The following GRAMD2B variants were observed in gnomAD, a reference collection of about 807,000 sequenced individuals.
The protein encoded by GRAMD2B is GRAM domain containing 2B.
A neutral mutation model predicts 59.2 loss-of-function variants in GRAMD2B; 41 were observed. The observed-to-expected ratio is 0.69, with a 90% CI of 0.54 to 0.90. The LOEUF is 0.90. GRAMD2B is among the 40% of genes least tolerant of loss of function. The pLI is 0.00. For synonymous variants in GRAMD2B, 161 were observed against 182.7 expected, an observed-to-expected ratio of 0.88 and a Z score of 0.96; for missense variants, 424 against 500.5, an observed-to-expected ratio of 0.85 and a Z score of 1.46.
chr5:126,489,259 A>T (rs1321330217), intron 13 of GRAMD2B, among the ~76,000 whole-genome samples: 1 of 152,228 alleles, frequency 6.6e-6, no homozygotes, highest in African/African-American at 2.4e-5. Context: ...CAGAAAGTAC[A>T]GCCCCAACTC....
intron 1 of GRAMD2B, among the ~76,000 whole-genome samples, chr5:126,392,929 A>G (rs1387041480): frequency 6.6e-6 from 1 of 152,240 alleles, no homozygotes; most frequent in African/African-American, 2.4e-5. Context: ...ATCTATTTGA[A>G]AAATAAAGTG....
At chr5:126,413,837 T>C (rs1759037713) in intron 1 of GRAMD2B, among the ~76,000 whole-genome samples, 1 of 152,190 alleles carries the variant, frequency 6.6e-6, no homozygotes, top group African/African-American at 2.4e-5. Context: ...TTGAACTTTT[T>C]ATCCCTAATG....
At chr5:126,396,806 A>G (rs573075576) in intron 1 of GRAMD2B, among the ~76,000 whole-genome samples, 6 of 152,322 alleles carry the variant, frequency 3.9e-5, no homozygotes, top group Non-Finnish European at 8.8e-5. Context: ...GTGTCTAAGC[A>G]GTCCTTTTTC....
chr5:126,403,245 A>T (rs920576347), intron 1 of GRAMD2B, among the ~76,000 whole-genome samples: 5 of 152,036 alleles, frequency 3.3e-5, no homozygotes, highest in Admixed American at 3.3e-4. Flanking sequence ...TTTGATTCCC[A>T]AGCTAACCCA....
chr5:126,490,133 G>A, intron 13 of GRAMD2B: 1 of 152,112 alleles, frequency 6.6e-6, no homozygotes, highest in East Asian at 1.9e-4. Context: ...GAAGGTATGA[G>A]TTAGCTTTCT....
intron 1 of GRAMD2B, among the ~76,000 whole-genome samples, chr5:126,452,135 C>G (rs753976503): frequency 6.6e-6 from 1 of 152,172 alleles, no homozygotes; most frequent in Non-Finnish European, 1.5e-5. Context: ...TTCTTGTAAA[C>G]AACAGAAATT....
intron 1 of GRAMD2B, among the ~76,000 whole-genome samples, chr5:126,426,890 C>T (rs958627942): frequency 6.6e-6 from 1 of 152,138 alleles, no homozygotes. Flanking sequence ...CACTCATCAC[C>T]GAACTGCATA....
chr5:126,372,978 A>G (rs1265790983), intron 1 of GRAMD2B, among the ~76,000 whole-genome samples: 1 of 152,210 alleles, frequency 6.6e-6, no homozygotes, highest in Non-Finnish European at 1.5e-5. Flanking sequence ...ATTGAAACAA[A>G]ATAAATGTTT....
intron 1 of GRAMD2B, among the ~76,000 whole-genome samples, chr5:126,385,334 A>T (rs1250566740): frequency 6.6e-6 from 1 of 152,216 alleles, no homozygotes. Flanking sequence ...CTGGGAAAAG[A>T]GAGGGGAAAA....
chr5:126,370,626 T>C (rs527586780), upstream of GRAMD2B, among the ~76,000 whole-genome samples: 15 of 152,340 alleles, frequency 9.8e-5, no homozygotes, highest in South Asian at 3.1e-3. Context: ...TGCAAATCTC[T>C]ACTGCATATT....
intron 1 of GRAMD2B, among the ~76,000 whole-genome samples, chr5:126,382,455 C>T (rs1336174172): frequency 6.6e-6 from 1 of 152,038 alleles, no homozygotes; most frequent in Middle Eastern, 3.2e-3. Context: ...TTCTGAAGCT[C>T]TTTCTTCTAC....
At chr5:126,411,349 T>C (rs1178306260) in intron 1 of GRAMD2B, among the ~76,000 whole-genome samples, 5 of 152,156 alleles carry the variant, frequency 3.3e-5, no homozygotes, top group Non-Finnish European at 7.4e-5. Context: ...GCACCATTTA[T>C]TGAAAAGGGA....
intron 1 of GRAMD2B, among the ~76,000 whole-genome samples, chr5:126,411,488 C>T (rs563850536): frequency 1.1e-4 from 17 of 152,196 alleles, no homozygotes; most frequent in South Asian, 1.0e-3. Flanking sequence ...CAGTACCATG[C>T]TGTTTCAGTT....
chr5:126,447,659 G>A (rs183408033), intron 1 of GRAMD2B, among the ~76,000 whole-genome samples: 238 of 131,212 alleles, frequency 1.8e-3, no homozygotes, highest in Admixed American at 3.1e-3. Context: ...GCAAGACTCC[G>A]TCTCAAAAAA....
At chr5:126,445,640 G>A (rs1764081604) in intron 1 of GRAMD2B, 1 of 151,536 alleles carries the variant, frequency 6.6e-6, no homozygotes, top group Admixed American at 6.6e-5. Flanking sequence ...GGGGTGAGGA[G>A]GGGGTGGGAG....
chr5:126,370,992 G>A (rs1754719923), upstream of GRAMD2B, among the ~76,000 whole-genome samples: 1 of 152,202 alleles, frequency 6.6e-6, no homozygotes, highest in African/African-American at 2.4e-5. Context: ...TTTCCTGCGT[G>A]AGTACAGGCA....
intron 1 of GRAMD2B, among the ~76,000 whole-genome samples, chr5:126,383,661 T>C (rs190852735): frequency 6.6e-6 from 1 of 152,298 alleles, no homozygotes; most frequent in Non-Finnish European, 1.5e-5. Context: ...GCGAACAAAT[T>C]AGTCCAGGTA....
At chr5:126,462,397 C>G (rs1767543115) in intron 1 of GRAMD2B, 1 of 985,028 alleles carries the variant, frequency 1.0e-6, no homozygotes, top group African/African-American at 1.7e-5. Context: ...GCCTCTGCTG[C>G]TTGAATTCTA....
intron 1 of GRAMD2B, among the ~76,000 whole-genome samples, chr5:126,377,601 G>A (rs1328710667): frequency 6.6e-6 from 1 of 152,204 alleles, no homozygotes; most frequent in Non-Finnish European, 1.5e-5. Flanking sequence ...AAGTTGTTCA[G>A]AGATACATTT....
Sources: allele counts gnomAD v4.1 joint callset (sites outside exome capture counted in the v4.1 genomes callset), GRCh38; gene constraint gnomAD v4.1.1; transcripts MANE v1.5; gene names NCBI Gene and HGNC (gene_info 2026-07-23, HGNC 2026-07-21).